The following DHRSX variants were observed in gnomAD, a reference collection of about 807,000 sequenced individuals.
DHRSX encodes dehydrogenase/reductase X-linked.
DHRSX carries 31 observed loss-of-function variants against 34.0 expected under a neutral mutation model. The ratio of observed to expected loss-of-function variants is 0.91; its 90% CI spans 0.69 to 1.23. The LOEUF (loss-of-function observed/expected upper bound fraction) is 1.23, where lower values mean the gene tolerates loss of function less well. DHRSX is among the 50% of genes most tolerant of loss of function. DHRSX has a pLI of 0.00. For synonymous variants in DHRSX, 201 were observed against 183.8 expected (o/e 1.09, Z -0.76); for missense variants, 414 against 428.1 (o/e 0.97, Z 0.29).
At chrX:2,466,596 A>G (rs1297340581) in intron 1 of DHRSX, among the ~76,000 whole-genome samples, 1 of 152,158 alleles carries the variant, frequency 6.6e-6, no homozygotes, top group Non-Finnish European at 1.5e-5. Flanking sequence ...GTACTCATGG[A>G]TACAAAGAAG....
intron 6 of DHRSX, among the ~76,000 whole-genome samples, chrX:2,224,676 A>G (rs1289839198): frequency 1.3e-5 from 2 of 152,138 alleles, no homozygotes; most frequent in Admixed American, 1.3e-4. Context: ...ATTCGTATGT[A>G]CTCACATGCA....
chrX:2,497,904 C>A (rs940638498), intron 1 of DHRSX, among the ~76,000 whole-genome samples: 25 of 152,176 alleles, frequency 1.6e-4, no homozygotes, highest in Non-Finnish European at 2.9e-4. Context: ...ATTAAATGCA[C>A]TGATTAAATC....
chrX:2,388,438 G>GAC (rs1325568226), intron 3 of DHRSX, among the ~76,000 whole-genome samples: 1 of 152,072 alleles, frequency 6.6e-6, no homozygotes, highest in Non-Finnish European at 1.5e-5. Flanking sequence ...AGGAGATGAG[G>GAC]ACACAGACAC....
intron 3 of DHRSX, among the ~76,000 whole-genome samples, chrX:2,388,557 C>T (rs2124618566): frequency 6.6e-6 from 1 of 151,904 alleles, no homozygotes; most frequent in East Asian, 1.9e-4. Flanking sequence ...CTCAGATGTC[C>T]AGCCTCCAGT....
chrX:2,359,566 G>A (rs1210189965), intron 3 of DHRSX, among the ~76,000 whole-genome samples: 1 of 151,994 alleles, frequency 6.6e-6, no homozygotes, highest in Non-Finnish European at 1.5e-5. Flanking sequence ...TGTAATCCCA[G>A]CTACTTGGGA....
At chrX:2,454,049 A>C (rs1174013159) in intron 1 of DHRSX, among the ~76,000 whole-genome samples, 1 of 152,212 alleles carries the variant, frequency 6.6e-6, no homozygotes, top group African/African-American at 2.4e-5. Context: ...TTTTTTGTTA[A>C]CGAAAAATAA....
At chrX:2,267,056 T>C in intron 4 of DHRSX, 109 bp from the exon 5 acceptor site, 3 of 1,134,352 alleles carry the variant, frequency 2.6e-6, no homozygotes, top group Non-Finnish European at 4.0e-6. Flanking sequence ...GAGGGTGGGG[T>C]GTAGAGCTGG....
rs202123009 is a variant in DHRSX, at chrX:2,408,747, T to C, written c.284A>G (p.Lys95Arg). The change falls in exon 3 of 7, where the codon AAA becomes AGA. Residue 95 changes from lysine to arginine, a missense_variant and splice_region_variant. By Grantham distance (26) the Lys-to-Arg change is conservative. Coordinates refer to ENST00000334651, the MANE Select transcript of DHRSX (RefSeq NM_145177.3). Reference sequence around the variant, plus strand: ...GCCATTGGAGTATCTCTCGGTACCTTTGTCGTTCAAGGTTTCTTCTTTTAT... The same window carrying C: ...GCCATTGGAGTATCTCTCGGTACCTCTGTCGTTCAAGGTTTCTTCTTTTAT... The part of the protein sequence containing the change: ...SKIKEETLND[K>R]VEFLYCDLAS... 1.3e-5 allele frequency: 21 copies of C among 1,612,332 alleles called. No homozygotes were observed. The East Asian group carries it at 4.5e-4, about 34-fold the overall frequency.
At chrX:2,384,619 A>C (rs1224066208) in intron 3 of DHRSX, among the ~76,000 whole-genome samples, 3 of 152,162 alleles carry the variant, frequency 2.0e-5, no homozygotes, top group African/African-American at 7.2e-5. Context: ...CACTCAGATA[A>C]GTGGATGATT....
intron 4 of DHRSX, among the ~76,000 whole-genome samples, chrX:2,282,621 G>GAGAAGAAAGAGGGGAGA (rs2041724857): frequency 1.8e-5 from 1 of 56,972 alleles, no homozygotes; most frequent in Non-Finnish European, 4.8e-5. Flanking sequence ...AAGAGGGGAG[G>GAGAAGAAAGAGGGGAGA]GAGAGAAGAA....
chrX:2,462,273 C>T (rs1287088945), intron 1 of DHRSX, among the ~76,000 whole-genome samples: 2 of 151,958 alleles, frequency 1.3e-5, no homozygotes, highest in East Asian at 3.9e-4. Flanking sequence ...TTGGAAGGCC[C>T]ACTTGCCAAG....
chrX:2,364,931 A>G (rs139784355), intron 3 of DHRSX, among the ~76,000 whole-genome samples: 136 of 152,270 alleles, frequency 8.9e-4, no homozygotes, highest in Middle Eastern at 3.4e-3. Flanking sequence ...TCTAACTAAT[A>G]TCTATCTATG....
intron 5 of DHRSX, among the ~76,000 whole-genome samples, chrX:2,243,788 G>GTTTTTTTTTT (rs778957532): frequency 4.0e-4 from 10 of 25,172 alleles, no homozygotes; most frequent in East Asian, 1.9e-3. Flanking sequence ...TATGCTCCCT[G>GTTTTTTTTTT]TTTTTTTTTT....
chrX:2,272,633 C>T (rs986903480), intron 4 of DHRSX, among the ~76,000 whole-genome samples: 2 of 152,036 alleles, frequency 1.3e-5, no homozygotes, highest in African/African-American at 2.4e-5. Flanking sequence ...AGACTGAGCA[C>T]CTTCAGCCTG....
intron 3 of DHRSX, among the ~76,000 whole-genome samples, chrX:2,358,652 G>T (rs765743543): frequency 6.6e-6 from 1 of 152,224 alleles, no homozygotes; most frequent in East Asian, 1.9e-4. Flanking sequence ...TTTTGAGGTA[G>T]ATCTTACTAT....
chrX:2,499,297 G>A (rs2045354193), intron 1 of DHRSX, among the ~76,000 whole-genome samples: 1 of 152,076 alleles, frequency 6.6e-6, no homozygotes, highest in African/African-American at 2.4e-5. Flanking sequence ...TCTCTTCTTA[G>A]GCTGGACATT....
At chrX:2,492,810 A>C (rs1025019134) in intron 1 of DHRSX, among the ~76,000 whole-genome samples, 1 of 152,186 alleles carries the variant, frequency 6.6e-6, no homozygotes, top group African/African-American at 2.4e-5. Flanking sequence ...TTGATTACAG[A>C]CTTCTGGCCT....
chrX:2,298,985 CA>C (rs1162323678), intron 3 of DHRSX, among the ~76,000 whole-genome samples: 3,563 of 88,108 alleles, frequency 0.04, 101 homozygotes, highest in African/African-American at 0.12. Flanking sequence ...AACTCTGTCT[CA>C]AAAAAAAAAA....
chrX:2,231,399 C>CT (rs1170665243), intron 6 of DHRSX, among the ~76,000 whole-genome samples: 1 of 151,880 alleles, frequency 6.6e-6, no homozygotes, highest in Non-Finnish European at 1.5e-5. Context: ...CTCTCACACC[C>CT]TTCTCCTTCC....
Sources: gnomAD v4.1 joint callset for allele counts (sites outside exome capture counted in the v4.1 genomes callset) on GRCh38, gnomAD v4.1.1 for gene constraint, MANE v1.5 for transcripts, NCBI Gene and HGNC (gene_info 2026-07-23, HGNC 2026-07-21) for gene names.